TXNRD1: variants seen among roughly 807,000 people sequenced by gnomAD.
TXNRD1 encodes thioredoxin reductase 1.
TXNRD1 carries 57 observed loss-of-function variants against 80.3 expected under a neutral mutation model. The observed-to-expected ratio is 0.71, with a 90% CI of 0.57 to 0.89. TXNRD1 has a LOEUF of 0.89. TXNRD1 is among the 40% of genes least tolerant of loss of function. The probability of loss-of-function intolerance (pLI) is 0.00; values close to 1 mark genes in which losing one functional copy is unlikely to be tolerated. For synonymous variants in TXNRD1, 291 were observed against 285.2 expected (o/e 1.02, Z -0.20); for missense variants, 730 against 803.0 (o/e 0.91, Z 1.10).
At chr12:104,231,941 A>G (rs2032633803) in intron 1 of TXNRD1, among the ~76,000 whole-genome samples, 1 of 152,224 alleles carries the variant, frequency 6.6e-6, no homozygotes, top group South Asian at 2.1e-4. Context: ...TTTAATGACA[A>G]ATGTATGATA....
At chr12:104,247,288 A>G (rs10745994) in intron 1 of TXNRD1, among the ~76,000 whole-genome samples, 126,646 of 152,132 alleles carry the variant, frequency 0.83, 52,795 homozygotes, top group East Asian at 0.89. Context: ...GGGTGGTCTC[A>G]AACTCGTGAC....
intron 1 of TXNRD1, among the ~76,000 whole-genome samples, chr12:104,247,152 A>G (rs1056082346): frequency 6.6e-6 from 1 of 151,790 alleles, no homozygotes; most frequent in Non-Finnish European, 1.5e-5. Context: ...ACTGCAAACT[A>G]TGCCTCCCGG....
chr12:104,223,198 A>T (rs1220805361), intron 1 of TXNRD1, among the ~76,000 whole-genome samples: 1 of 152,188 alleles, frequency 6.6e-6, no homozygotes, highest in Non-Finnish European at 1.5e-5. Context: ...CCAAAATTCT[A>T]CTTTTTCAAG....
At chr12:104,249,991 A>G (rs1034222194) in intron 1 of TXNRD1, among the ~76,000 whole-genome samples, 1 of 151,446 alleles carries the variant, frequency 6.6e-6, no homozygotes, top group African/African-American at 2.4e-5. Context: ...TAATAATAAT[A>G]ATGATTAATA....
At chr12:104,253,457 C>G (rs1228155904) in intron 2 of TXNRD1, among the ~76,000 whole-genome samples, 1 of 152,098 alleles carries the variant, frequency 6.6e-6, no homozygotes, top group Non-Finnish European at 1.5e-5. Context: ...GAAAAATGAT[C>G]TCAGATAACC....
At chr12:104,302,303 CTA>C (rs1242895803) in intron 4 of TXNRD1, among the ~76,000 whole-genome samples, 3 of 151,850 alleles carry the variant, frequency 2.0e-5, no homozygotes, top group Admixed American at 6.6e-5. Flanking sequence ...TAGAACAAGT[CTA>C]TATGCATAAA....
chr12:104,324,359 T>G (rs1202434131), intron 10 of TXNRD1, among the ~76,000 whole-genome samples: 2 of 147,584 alleles, frequency 1.4e-5, no homozygotes, highest in Non-Finnish European at 3.0e-5. Flanking sequence ...TTTCGTTTTT[T>G]TTTTTTTTTT....
At chr12:104,251,774 A>C in intron 2 of TXNRD1, 96 bp downstream of exon 2, 2 of 1,448,188 alleles carry the variant, frequency 1.4e-6, no homozygotes, top group Non-Finnish European at 1.9e-6. Context: ...CTTTAGGAAG[A>C]GTGTATGTAG....
At chr12:104,313,177 T>A in intron 5 of TXNRD1, 68 bp from the exon 6 acceptor site, 1 of 1,314,510 alleles carries the variant, frequency 7.6e-7, no homozygotes, top group South Asian at 1.3e-5. Flanking sequence ...AATCATGGAT[T>A]TTTAACAGCC....
At chr12:104,336,742 C>G (rs922180604) in intron 15 of TXNRD1, among the ~76,000 whole-genome samples, 8 of 152,192 alleles carry the variant, frequency 5.3e-5, no homozygotes, top group Admixed American at 3.9e-4. Context: ...GTACCAGGCA[C>G]TATAGAGCTC....
chr12:104,327,717 C>T (rs368459685), intron 13 of TXNRD1, 46 bp downstream of exon 13: 28 of 1,568,750 alleles, frequency 1.8e-5, no homozygotes, highest in African/African-American at 2.7e-5. Flanking sequence ...GTCAGTAATA[C>T]TCCCAGTTCC....
intron 16 of TXNRD1, among the ~76,000 whole-genome samples, chr12:104,342,014 A>G (rs2036341611): frequency 6.6e-6 from 1 of 152,206 alleles, no homozygotes; most frequent in Admixed American, 6.5e-5. Context: ...GCGGGGGACA[A>G]CAGAGCTTCC....
At chr12:104,337,226 C>T (rs1757071148) in intron 15 of TXNRD1, among the ~76,000 whole-genome samples, 1 of 151,920 alleles carries the variant, frequency 6.6e-6, no homozygotes, top group Non-Finnish European at 1.5e-5. Flanking sequence ...ATACCATAAA[C>T]CCGGAATCGT....
At chr12:104,254,890 A>G (rs1335725542) in intron 2 of TXNRD1, among the ~76,000 whole-genome samples, 2 of 151,712 alleles carry the variant, frequency 1.3e-5, no homozygotes, top group Non-Finnish European at 2.9e-5. Flanking sequence ...AGATCACTTG[A>G]GGCCAGGAGT....
Position 104,347,179 on chromosome 12 carries a change from A to AT in TXNRD1, c.1882-1163dup, listed in dbSNP as rs202064310. Among the ~76,000 whole-genome samples the AT allele has an allele frequency of 4.3e-3, 634 of 148,528 alleles. 2 individuals are homozygous for AT. Among genetic ancestry groups the AT allele is most frequent in the African/African-American group, 0.013 (528 of 40,580 alleles). ...GATGAGCCTCTTTCTTCTTATAATG[A>AT]TTTTTTTTTTTGGATATGAATTATC... On this transcript the variant is annotated intron_variant, in intron 16 of 16. Coordinates refer to ENST00000525566, the MANE Select transcript of TXNRD1 (RefSeq NM_001093771.3).
intron 10 of TXNRD1, among the ~76,000 whole-genome samples, chr12:104,322,622 C>A (rs1033438189): frequency 1.3e-5 from 2 of 151,962 alleles, no homozygotes; most frequent in African/African-American, 4.8e-5. Flanking sequence ...TCAAGTGGTC[C>A]TCCCAGTGCA....
intron 1 of TXNRD1, among the ~76,000 whole-genome samples, chr12:104,225,914 C>A (rs956394958): frequency 5.9e-5 from 9 of 151,862 alleles, no homozygotes; most frequent in Non-Finnish European, 1.2e-4. Flanking sequence ...GAAAAAGGAG[C>A]TTATGCCGGG....
intron 15 of TXNRD1, among the ~76,000 whole-genome samples, 185 bp from the exon 16 acceptor site, chr12:104,338,954 G>C (rs2036235147): frequency 6.6e-6 from 1 of 152,074 alleles, no homozygotes; most frequent in Non-Finnish European, 1.5e-5. Flanking sequence ...CTGACCTCGT[G>C]ATCCACCTGC....
At chr12:104,283,090 G>A (rs2033910433) in intron 3 of TXNRD1, 1 of 152,172 alleles carries the variant, frequency 6.6e-6, no homozygotes, top group Non-Finnish European at 1.5e-5. Context: ...GCCAGAGAGG[G>A]AGGCTAACTT....
Sources: gnomAD v4.1 joint callset for allele counts (sites outside exome capture counted in the v4.1 genomes callset) on GRCh38, gnomAD v4.1.1 for gene constraint, MANE v1.5 for transcripts, NCBI Gene and HGNC (gene_info 2026-07-23, HGNC 2026-07-21) for gene names.